Variants in TGS1 observed in about 807,000 individuals in gnomAD.
The protein encoded by TGS1 is trimethylguanosine synthase.
A neutral mutation model predicts 92.2 loss-of-function variants in TGS1; 69 were observed. That is an observed-to-expected ratio of 0.75 (90% confidence interval 0.62 to 0.91). TGS1 has a LOEUF of 0.91. Among genes scored for constraint, TGS1 ranks in the 40% least tolerant of loss-of-function variants. The pLI is 0.00. For missense variants in TGS1, 1,062 were observed against 1,001.2 expected, an observed-to-expected ratio of 1.06 and a Z score of -0.82; for synonymous variants, 345 against 338.1, an observed-to-expected ratio of 1.02 and a Z score of -0.22.
At chr8:55,821,206 C>A (rs1165265151) in intron 12 of TGS1, among the ~76,000 whole-genome samples, 3 of 152,146 alleles carry the variant, frequency 2.0e-5, no homozygotes, top group African/African-American at 7.2e-5. Flanking sequence ...TATATTTTGT[C>A]ACATAGATAC....
At chr8:55,778,825 A>C (rs1444808843) in intron 1 of TGS1, among the ~76,000 whole-genome samples, 1 of 152,194 alleles carries the variant, frequency 6.6e-6, no homozygotes, top group African/African-American at 2.4e-5. Flanking sequence ...TGTACTTCAG[A>C]TATTGCTAAG....
At chr8:55,789,048 A>G (rs1331687531) in intron 4 of TGS1, among the ~76,000 whole-genome samples, 2 of 152,114 alleles carry the variant, frequency 1.3e-5, no homozygotes, top group East Asian at 3.9e-4. Flanking sequence ...TGCCATCAGG[A>G]TGAATTTGAG....
chr8:55,785,805 A>G lies in TGS1; in HGVS notation c.253A>G (p.Ser85Gly). Residue 85 changes from serine (S) to glycine (G), a missense_variant, in exon 3 of 13, where the codon AGT becomes GGT. Physicochemically the swap from Ser to Gly is moderately conservative, Grantham distance 56. Coordinates refer to ENST00000260129, the MANE Select transcript of TGS1 (RefSeq NM_024831.8). ...CAGCAAAGGCATAGGCCTGGATGAA[A>G]GTGAACTTGATTCTGAGGCTGAACT... Reference protein sequence around the residue: ...HDSKGIGLDESELDSEAELMR... With the variant: ...HDSKGIGLDEGELDSEAELMR... 3 of 1,614,042 alleles carry G rather than the reference A, an allele frequency of 1.9e-6. No individual in the cohort carries two copies. Among genetic ancestry groups the G allele is most frequent in the Non-Finnish European group, 2.5e-6 (3 of 1,179,920 alleles).
At chr8:55,807,550 CAG>C (rs1803205954) in intron 10 of TGS1, among the ~76,000 whole-genome samples, 1 of 150,006 alleles carries the variant, frequency 6.7e-6, no homozygotes, top group Non-Finnish European at 1.5e-5. Context: ...GTTTTTGAGA[CAG>C]GGTCTCACTA....
rs1585801779 is a variant in TGS1 at position 55,824,687 on chromosome 8, C to T, written c.2546C>T (p.Pro849Leu). The T allele has an allele frequency of 6.2e-7, 1 of 1,614,146 alleles. No homozygotes were observed. Among genetic ancestry groups the T allele is most frequent in the Non-Finnish European group, 8.5e-7 (1 of 1,180,012 alleles). ...TAYFGDLIRR[P>L]ASET ...TATTTTGGTGACCTAATTCGAAGACCAGCCTCTGAAACCTAACTATGCAGC... is the reference window on the plus strand; with the variant it reads ...TATTTTGGTGACCTAATTCGAAGACTAGCCTCTGAAACCTAACTATGCAGC... Residue 849 changes from proline to leucine, a missense_variant, in exon 13 of 13, where the codon CCA becomes CTA. By Grantham distance (98) the Pro-to-Leu change is moderately conservative. Coordinates refer to ENST00000260129, the MANE Select transcript of TGS1 (RefSeq NM_024831.8).
intron 8 of TGS1, among the ~76,000 whole-genome samples, chr8:55,800,082 A>G (rs1476430690): frequency 6.6e-6 from 1 of 152,178 alleles, no homozygotes; most frequent in Admixed American, 6.5e-5. Context: ...TGAAACCATT[A>G]TATTTATTGT....
At position 55,818,136 on chromosome 8, in the gene TGS1, T is replaced by G. The variant is rs140648440; in HGVS notation, c.2439+5018T>G. Reference sequence around the variant, plus strand: ...GAAACAGATTTATCTGTTATCACAATATTAGCTCACCATGAGATTGGAGCA... The same window carrying G: ...GAAACAGATTTATCTGTTATCACAAGATTAGCTCACCATGAGATTGGAGCA... On this transcript the variant is annotated intron_variant, in intron 12 of 12. Coordinates refer to ENST00000260129, the MANE Select transcript of TGS1 (RefSeq NM_024831.8). Among the ~76,000 whole-genome samples, 116 of 152,340 alleles carry G rather than the reference T, an allele frequency of 7.6e-4. 1 individual carries two copies. Among genetic ancestry groups the G allele is most frequent in the African/African-American group, 2.7e-3 (111 of 41,574 alleles).
At chr8:55,808,393 C>T (rs1287789862) in intron 10 of TGS1, among the ~76,000 whole-genome samples, 4 of 152,026 alleles carry the variant, frequency 2.6e-5, no homozygotes, top group Admixed American at 1.3e-4. Flanking sequence ...GGCCTTACAT[C>T]GTAACACGAT....
intron 12 of TGS1, among the ~76,000 whole-genome samples, chr8:55,822,075 T>TA (rs1803656408): frequency 6.7e-5 from 10 of 149,992 alleles, no homozygotes; most frequent in Admixed American, 2.0e-4. Flanking sequence ...TTTCTTTCTT[T>TA]CTTTTTTTTT....
chr8:55,782,906 GT>G lies in TGS1; in HGVS notation c.166+96del, dbSNP rs1300761438. On this transcript the variant is annotated intron_variant, in intron 2 of 12. Coordinates refer to ENST00000260129, the MANE Select transcript of TGS1 (RefSeq NM_024831.8). ...ATTTGTTATAATATTGTATTGATTT[GT>G]TAGCATAAAATATAAATGCCAAATA... The G allele has an allele frequency of 3.0e-5, 24 of 792,946 alleles. No individual in the cohort carries two copies. The Admixed American group carries it at 6.9e-4, about 23-fold the overall frequency. The allele number at this position is 792,946 out of a possible 1,614,324, so 49.1% of individuals were successfully genotyped here. A position where few individuals can be genotyped will look rare whatever the true frequency, so the allele number is the denominator to read the frequency against.
chr8:55,807,388 A>C (rs1803199720), intron 10 of TGS1, among the ~76,000 whole-genome samples: 2 of 152,046 alleles, frequency 1.3e-5, no homozygotes, highest in Non-Finnish European at 2.9e-5. Context: ...AACCCCTCCC[A>C]CTGTGTAACT....
rs1237650912 is a variant in TGS1, at chr8:55,802,488, G to A, written c.1881G>A (p.Lys627=). The A allele has an allele frequency of 1.2e-6, 2 of 1,613,798 alleles. No homozygotes were observed. The highest frequency in any genetic ancestry group is 1.7e-5 in the Admixed American group (1 of 59,958). The part of the protein sequence containing the change: ...AEVKKKKNKK[K]NKKVNGLPPE... ...TGAAAAAGAAGAAGAACAAGAAGAA[G>A]AACAAAAAGGTGAATGGTCTGCCTC... The change falls in exon 9 of 13, where the codon AAG becomes AAA. Residue 627 remains lysine, a synonymous_variant. Transcript: ENST00000260129.
chr8:55,818,950 T>C (rs912613141), intron 12 of TGS1, among the ~76,000 whole-genome samples: 1 of 152,070 alleles, frequency 6.6e-6, no homozygotes, highest in African/African-American at 2.4e-5. Context: ...TGGTGGGGTT[T>C]TTTTCTTCTT....
At chr8:55,824,344 CA>C (rs1563474620) in intron 12 of TGS1, among the ~76,000 whole-genome samples, 1 of 152,156 alleles carries the variant, frequency 6.6e-6, no homozygotes. Flanking sequence ...AAGTCCTATA[CA>C]ACAGCATAGC....
chr8:55,818,833 C>T (rs529634632), intron 12 of TGS1, among the ~76,000 whole-genome samples: 1 of 152,332 alleles, frequency 6.6e-6, no homozygotes, highest in Admixed American at 6.5e-5. Context: ...GTGCTGATAG[C>T]CTGTGCTTTC....
At position 55,796,520 on chromosome 8, in the gene TGS1, C is replaced by T. The variant is rs144745569; in HGVS notation, c.1542+368C>T. ...ACCTGACCAACATGGAAAACCCTGTCTCTACTAAAAATACAAAATTAGCTG... is the reference window on the plus strand; with the variant it reads ...ACCTGACCAACATGGAAAACCCTGTTTCTACTAAAAATACAAAATTAGCTG... On this transcript the variant is annotated intron_variant, in intron 7 of 12. Coordinates refer to ENST00000260129, the MANE Select transcript of TGS1 (RefSeq NM_024831.8). Among the ~76,000 whole-genome samples, 246 of 151,312 alleles carry T rather than the reference C, an allele frequency of 1.6e-3. 1 individual carries two copies. The highest frequency in any genetic ancestry group is 5.8e-3 in the African/African-American group (238 of 41,174).
chr8:55,825,016 A>G lies in TGS1; in HGVS notation c.*313A>G. On this transcript the variant is annotated 3_prime_UTR_variant, in exon 13 of 13. Transcript: ENST00000260129. ...AGCTCACTGCAGGTTCAGCCTTCTG[A>G]GTTCAAGCAATCCTTCTGTCTCAGT... The G allele has an allele frequency of 4.7e-6, 1 of 211,122 alleles. No individual in the cohort carries two copies. Among genetic ancestry groups the G allele is most frequent in the Non-Finnish European group, 9.5e-6 (1 of 105,438 alleles). 13.1% of individuals were successfully genotyped at this position (211,122 alleles called of 1,614,324 possible).
intron 12 of TGS1, among the ~76,000 whole-genome samples, chr8:55,820,804 C>G (rs1487977052): frequency 6.6e-6 from 1 of 152,138 alleles, no homozygotes; most frequent in Non-Finnish European, 1.5e-5. Flanking sequence ...TAATCCAGAG[C>G]TGCTAATCTT....
chr8:55,798,053 G>C (rs530918556), intron 7 of TGS1, among the ~76,000 whole-genome samples: 2 of 152,302 alleles, frequency 1.3e-5, no homozygotes, highest in East Asian at 3.9e-4. Flanking sequence ...GTAATGTGTT[G>C]GATATAATAG....
Sources: allele counts gnomAD v4.1 joint callset (sites outside exome capture counted in the v4.1 genomes callset), GRCh38; gene constraint gnomAD v4.1.1; transcripts MANE v1.5; gene names NCBI Gene and HGNC (gene_info 2026-07-23, HGNC 2026-07-21).